CTTNBP2: variants seen among roughly 807,000 people sequenced by gnomAD.
The protein encoded by CTTNBP2 is cortactin binding protein 2.
In CTTNBP2, 108 loss-of-function variants were observed where a neutral mutation model predicts 156.9. The observed-to-expected ratio is 0.69, with a 90% CI of 0.59 to 0.81. The LOEUF is 0.81. CTTNBP2 is among the 30% of genes least tolerant of loss of function. The probability of loss-of-function intolerance (pLI) is 0.00; values close to 1 mark genes in which losing one functional copy is unlikely to be tolerated. For missense variants in CTTNBP2, 1,924 were observed against 2,035.4 expected (o/e 0.95, Z 1.05); for synonymous variants, 767 against 751.8 (o/e 1.02, Z -0.33).
intron 22 of CTTNBP2, chr7:117,713,997 A>C (rs1417666977): frequency 6.6e-6 from 1 of 152,226 alleles, no homozygotes; most frequent in African/African-American, 2.4e-5. Flanking sequence ...GAGCTTCCTG[A>C]TAAAACAAAA....
intron 4 of CTTNBP2, among the ~76,000 whole-genome samples, chr7:117,785,259 G>C (rs762765688): frequency 3.3e-5 from 5 of 152,146 alleles, no homozygotes; most frequent in Non-Finnish European, 7.4e-5. Flanking sequence ...GTATTTAGCA[G>C]CTTTAGAAGA....
intron 3 of CTTNBP2, among the ~76,000 whole-genome samples, chr7:117,806,795 G>T (rs1342541331): frequency 1.5e-5 from 2 of 130,302 alleles, no homozygotes; most frequent in African/African-American, 5.8e-5. Context: ...GTCTCGCTCT[G>T]TTGCCCAGGC....
chr7:117,846,603 T>C (rs1389114127), intron 2 of CTTNBP2, among the ~76,000 whole-genome samples: 1 of 152,098 alleles, frequency 6.6e-6, no homozygotes, highest in Non-Finnish European at 1.5e-5. Flanking sequence ...TAAAATATCA[T>C]ATAATGCTAT....
intron 8 of CTTNBP2, among the ~76,000 whole-genome samples, chr7:117,777,001 A>G (rs1251285603): frequency 6.6e-6 from 1 of 152,212 alleles, no homozygotes; most frequent in East Asian, 1.9e-4. Context: ...ATGGACTACT[A>G]TATTATACTG....
chr7:117,797,115 C>T (rs1799364921), intron 3 of CTTNBP2, among the ~76,000 whole-genome samples: 1 of 152,144 alleles, frequency 6.6e-6, no homozygotes, highest in Non-Finnish European at 1.5e-5. Flanking sequence ...AACTCAAGTA[C>T]AATGCACTGG....
intron 12 of CTTNBP2, 65 bp from the exon 13 acceptor site, chr7:117,746,164 C>A (rs1484235593): frequency 9.2e-7 from 1 of 1,088,024 alleles, no homozygotes; most frequent in Non-Finnish European, 1.4e-6. Context: ...AAAAGTGGTA[C>A]ACAGGTGTGG....
chr7:117,869,198 CA>C (rs1804411123), intron 1 of CTTNBP2, among the ~76,000 whole-genome samples: 1 of 152,128 alleles, frequency 6.6e-6, no homozygotes, highest in African/African-American at 2.4e-5. Context: ...TGGAAAGCGG[CA>C]GTATTAAGAT....
At chr7:117,809,416 G>A (rs1169198728) in intron 3 of CTTNBP2, among the ~76,000 whole-genome samples, 1 of 152,090 alleles carries the variant, frequency 6.6e-6, no homozygotes, top group Non-Finnish European at 1.5e-5. Flanking sequence ...ACACATTACA[G>A]GCATAATTGA....
intron 1 of CTTNBP2, chr7:117,872,029 T>A: frequency 2.2e-6 from 2 of 929,586 alleles, no homozygotes; most frequent in African/African-American, 3.6e-5. Context: ...AGGTTTCGTT[T>A]GAAATCTTAA....
At chr7:117,764,211 G>C (rs1393155305) in intron 9 of CTTNBP2, among the ~76,000 whole-genome samples, 2 of 152,068 alleles carry the variant, frequency 1.3e-5, no homozygotes, top group Non-Finnish European at 2.9e-5. Context: ...TCGTTCAATT[G>C]TTCATTCATG....
chr7:117,859,105 T>C (rs1057234800), intron 2 of CTTNBP2, among the ~76,000 whole-genome samples: 2 of 152,232 alleles, frequency 1.3e-5, no homozygotes, highest in Admixed American at 1.3e-4. Context: ...GGTTTTGTAA[T>C]TTTTAACAGA....
intron 7 of CTTNBP2, among the ~76,000 whole-genome samples, chr7:117,779,135 T>C (rs1024024500): frequency 1.3e-5 from 2 of 152,168 alleles, no homozygotes; most frequent in African/African-American, 2.4e-5. Flanking sequence ...GACAAGACTA[T>C]GGAGCTTCAA....
chr7:117,803,166 C>T (rs927631555), intron 3 of CTTNBP2, among the ~76,000 whole-genome samples: 15 of 152,114 alleles, frequency 9.9e-5, no homozygotes, highest in African/African-American at 2.9e-4. Context: ...AAAGAAAATG[C>T]GGTACATATA....
intron 2 of CTTNBP2, among the ~76,000 whole-genome samples, chr7:117,826,833 ATTATTATTATTAT>A (rs1472124989): frequency 8.2e-4 from 5 of 6,078 alleles, no homozygotes; most frequent in African/African-American, 5.7e-3. Flanking sequence ...GAGCATTATT[ATTATTATTATTAT>A]TATTATTATT....
rs112056291 is a variant in CTTNBP2, at chr7:117,732,790, C to T, written c.3876+2123G>A. On this transcript the variant is annotated intron_variant, in intron 16 of 22. Coordinates refer to ENST00000160373, the MANE Select transcript of CTTNBP2 (RefSeq NM_033427.3). ...CAATTGTGAACACTGGTATGTCCTA[C>T]ATGAAGGAAATAATTTGGCCAAGGA... 5.3e-3 allele frequency among the ~76,000 whole-genome samples: 804 copies of T among 151,816 alleles called. 8 individuals are homozygous for T. Among genetic ancestry groups the T allele is most frequent in the African/African-American group, 0.018 (738 of 41,372 alleles).
Position 117,860,491 on chromosome 7 carries a change from C to T in CTTNBP2, c.189+718G>A, listed in dbSNP as rs557788665. Among the ~76,000 whole-genome samples the T allele has an allele frequency of 1.2e-4, 19 of 152,102 alleles. 1 individual carries two copies. In the South Asian group the frequency reaches 3.5e-3, roughly 28 times the overall value. ...CCGAATAGCTGGGACTACACGCGCC[C>T]GCCACCATGCCCGGCTAATTTTTTG... On this transcript the variant is annotated intron_variant, in intron 2 of 22. Coordinates refer to ENST00000160373, the MANE Select transcript of CTTNBP2 (RefSeq NM_033427.3).
chr7:117,808,065 G>GT (rs1453191973), intron 3 of CTTNBP2, among the ~76,000 whole-genome samples: 2 of 152,068 alleles, frequency 1.3e-5, no homozygotes, highest in Admixed American at 1.3e-4. Context: ...GTTATTTTTA[G>GT]TTTTTTCACT....
At position 117,861,290 on chromosome 7, in the gene CTTNBP2, G is replaced by C. The variant is rs1480004818; in HGVS notation, c.108C>G (p.Leu36=). 10 of 1,613,080 alleles carry C rather than the reference G, an allele frequency of 6.2e-6. No individual in the cohort carries two copies. Among genetic ancestry groups the C allele is most frequent in the Non-Finnish European group, 8.5e-6 (10 of 1,179,608 alleles). ...AAKKEFDVDT[L]SKSELRMLLS... is the part of the protein sequence containing the mutation. ...GGAGCATCCGCAGCTCGGATTTACT[G>C]AGAGTATCCACATCAAACTCTTTTT... Residue 36 remains leucine (L), a synonymous_variant, in exon 2 of 23, where the codon CTC becomes CTG. Transcript: ENST00000160373.
At chr7:117,802,606 AAAGAT>A (rs983793457) in intron 3 of CTTNBP2, among the ~76,000 whole-genome samples, 2 of 152,084 alleles carry the variant, frequency 1.3e-5, no homozygotes, top group Admixed American at 6.6e-5. Flanking sequence ...AAACACTCTA[AAAGAT>A]AAGAGAAAAT....
Sources: allele counts gnomAD v4.1 joint callset (sites outside exome capture counted in the v4.1 genomes callset), GRCh38; gene constraint gnomAD v4.1.1; transcripts MANE v1.5; gene names NCBI Gene and HGNC (gene_info 2026-07-23, HGNC 2026-07-21).